AKAP13: variants seen among roughly 807,000 people sequenced by gnomAD.
AKAP13 encodes A-kinase anchor protein 13.
A neutral mutation model predicts 264.5 loss-of-function variants in AKAP13; 80 were observed. The observed-to-expected ratio is 0.30, with a 90% CI of 0.25 to 0.36. The LOEUF (loss-of-function observed/expected upper bound fraction) is 0.36. Among genes scored for constraint, AKAP13 ranks in the 10% least tolerant of loss-of-function variants. The probability of loss-of-function intolerance (pLI) is 1.00; values close to 1 mark genes in which losing one functional copy is unlikely to be tolerated. For synonymous variants in AKAP13, 1,380 were observed against 1,250.2 expected, an observed-to-expected ratio of 1.10 and a Z score of -2.19; for missense variants, 3,712 against 3,435.2, an observed-to-expected ratio of 1.08 and a Z score of -2.01.
At chr15:85,493,808 G>C (rs1438708458) in intron 2 of AKAP13, among the ~76,000 whole-genome samples, 1 of 152,138 alleles carries the variant, frequency 6.6e-6, no homozygotes, top group African/African-American at 2.4e-5. Context: ...AGGGACGAGG[G>C]ATGCTGTCAG....
chr15:85,650,599 T>C (rs1197770076), intron 10 of AKAP13, among the ~76,000 whole-genome samples: 1 of 150,168 alleles, frequency 6.7e-6, no homozygotes, highest in Non-Finnish European at 1.5e-5. Flanking sequence ...CTATTAAAAA[T>C]ACAAAAATTA....
chr15:85,437,697 A>C (rs2073379006), intron 1 of AKAP13, among the ~76,000 whole-genome samples: 1 of 152,238 alleles, frequency 6.6e-6, no homozygotes, highest in African/African-American at 2.4e-5. Flanking sequence ...TCCAGCATAT[A>C]AACAGAGCCA....
intron 5 of AKAP13, among the ~76,000 whole-genome samples, chr15:85,569,358 G>A (rs376046933): frequency 2.0e-5 from 3 of 152,074 alleles, no homozygotes; most frequent in East Asian, 1.9e-4. Context: ...AGAGGAGCCA[G>A]GGAAAACAGT....
chr15:85,665,963 G>A (rs896431288), intron 13 of AKAP13, among the ~76,000 whole-genome samples: 1 of 152,104 alleles, frequency 6.6e-6, no homozygotes, highest in East Asian at 1.9e-4. Flanking sequence ...CTTTGCTATT[G>A]TTAACAATGC....
At position 85,688,617 on chromosome 15, in the gene AKAP13, A is replaced by G. The variant is rs563229037; in HGVS notation, c.5289+3744A>G. 2.3e-4 allele frequency among the ~76,000 whole-genome samples: 35 copies of G among 152,356 alleles called. 1 individual carries two copies. In the South Asian group the frequency reaches 7.3e-3, roughly 32 times the overall value. ...CAGTTGTATAATTGTGATGATAAAC[A>G]GTTCTTAAACATGTCCAAAGAAGCC... On this transcript the variant is annotated intron_variant, in intron 16 of 36. Coordinates refer to ENST00000394518, the MANE Select transcript of AKAP13 (RefSeq NM_007200.5).
At chr15:85,503,089 T>TA (rs2151095470) in intron 2 of AKAP13, among the ~76,000 whole-genome samples, 1 of 152,316 alleles carries the variant, frequency 6.6e-6, no homozygotes, top group South Asian at 2.1e-4. Context: ...TATACCTTGT[T>TA]AAAATACTTT....
intron 5 of AKAP13, among the ~76,000 whole-genome samples, chr15:85,570,682 C>T (rs2078787366): frequency 6.6e-6 from 1 of 152,166 alleles, no homozygotes; most frequent in South Asian, 2.1e-4. Context: ...CCCTCCTACT[C>T]CTGAGTTGTG....
At chr15:85,547,782 A>AT (rs2077807641) in intron 5 of AKAP13, among the ~76,000 whole-genome samples, 1 of 152,188 alleles carries the variant, frequency 6.6e-6, no homozygotes. Context: ...AGTGATTGAC[A>AT]TATATGTTAT....
At chr15:85,474,041 A>G (rs2075061133) in intron 1 of AKAP13, among the ~76,000 whole-genome samples, 2 of 152,248 alleles carry the variant, frequency 1.3e-5, no homozygotes, top group Non-Finnish European at 2.9e-5. Flanking sequence ...CTAGTTTGAA[A>G]GTTTAAAGTC....
At chr15:85,427,514 T>C (rs1364841769) in intron 1 of AKAP13, among the ~76,000 whole-genome samples, 1 of 152,184 alleles carries the variant, frequency 6.6e-6, no homozygotes, top group African/African-American at 2.4e-5. Flanking sequence ...TAGTTGTGTG[T>C]GTGTGCGCAC....
intron 1 of AKAP13, among the ~76,000 whole-genome samples, chr15:85,426,849 A>G (rs2072800874): frequency 6.6e-6 from 1 of 152,078 alleles, no homozygotes; most frequent in Admixed American, 6.5e-5. Flanking sequence ...ATTTCCATGT[A>G]ATTCTTGTGG....
In AKAP13 at chr15:85,718,943, A is replaced by G. The variant is rs751336450; in HGVS notation, c.6002-133A>G. 28 of 1,250,494 alleles carry G rather than the reference A, an allele frequency of 2.2e-5. No homozygotes were observed. The highest frequency in any genetic ancestry group is 2.5e-5 in the Non-Finnish European group (23 of 908,304). The allele number at this position is 1,250,494 out of a possible 1,614,324, so 77.5% of individuals were successfully genotyped here. ...AAAAAAACGAGAACACTTTTAGGGG[A>G]AAGATAGCTGTTGACCCAATTTTAA... On this transcript the variant is annotated intron_variant, in intron 22 of 36. Coordinates refer to ENST00000394518, the MANE Select transcript of AKAP13 (RefSeq NM_007200.5). The surrounding 1 kb of genome is among the most constrained non-coding windows in gnomAD (Gnocchi z 4.9).
intron 1 of AKAP13, among the ~76,000 whole-genome samples, chr15:85,399,504 A>G (rs1205262465): frequency 5.3e-5 from 2 of 37,432 alleles, no homozygotes; most frequent in Admixed American, 2.3e-4. Context: ...CTCCGTCTCA[A>G]AAAAAAAAAA....
At chr15:85,694,956 AT>A (rs983082516) in intron 17 of AKAP13, among the ~76,000 whole-genome samples, 1 of 151,090 alleles carries the variant, frequency 6.6e-6, no homozygotes, top group South Asian at 2.1e-4. Flanking sequence ...CTGAAATCTG[AT>A]TTTTTTTCTT....
intron 8 of AKAP13, among the ~76,000 whole-genome samples, chr15:85,635,402 A>T (rs946656138): frequency 6.6e-6 from 1 of 152,170 alleles, no homozygotes; most frequent in Non-Finnish European, 1.5e-5. Context: ...CCATTTAAAA[A>T]ATCATGTTGC....
chr15:85,659,530 A>G (rs1412532974), intron 12 of AKAP13, among the ~76,000 whole-genome samples: 1 of 152,224 alleles, frequency 6.6e-6, no homozygotes, highest in Non-Finnish European at 1.5e-5. Flanking sequence ...ATTCCTATGA[A>G]ATTGTTCTTC....
At chr15:85,538,529 G>A (rs1385437866) in intron 4 of AKAP13, among the ~76,000 whole-genome samples, 8 of 138,540 alleles carry the variant, frequency 5.8e-5, no homozygotes, top group Admixed American at 1.6e-4. Flanking sequence ...TCGCTCTGTC[G>A]CCCAGGCTGG....
Position 85,406,659 on chromosome 15 carries a change from T to C in AKAP13, c.-12+25861T>C, listed in dbSNP as rs192000654. Among the ~76,000 whole-genome samples the C allele has an allele frequency of 2.0e-5, 3 of 151,762 alleles. No individual in the cohort carries two copies. The East Asian group carries it at 5.8e-4, about 29-fold the overall frequency. ...GACCTTTCCAGTCTGAATTCCTATT[T>C]AGAAATAAACTACTTATGTTATTTG... is the stretch of plus-strand genomic sequence containing the variant. On this transcript the variant is annotated intron_variant, in intron 1 of 36. Coordinates refer to ENST00000394518, the MANE Select transcript of AKAP13 (RefSeq NM_007200.5).
chr15:85,641,643 AC>A (rs2082317165), intron 9 of AKAP13, among the ~76,000 whole-genome samples: 1 of 150,528 alleles, frequency 6.6e-6, no homozygotes, highest in Non-Finnish European at 1.5e-5. Flanking sequence ...CTGCCACCAC[AC>A]CCGGCTAATT....
Sources: allele counts gnomAD v4.1 joint callset (sites outside exome capture counted in the v4.1 genomes callset), GRCh38; gene constraint gnomAD v4.1.1; non-coding constraint Gnocchi (gnomAD v3.1); transcripts MANE v1.5; gene names NCBI Gene and HGNC (gene_info 2026-07-23, HGNC 2026-07-21).